SLC24A1: variants seen among roughly 807,000 people sequenced by gnomAD.
SLC24A1 encodes sodium/potassium/calcium exchanger 1.
SLC24A1 carries 52 observed loss-of-function variants against 88.1 expected under a neutral mutation model. The observed-to-expected ratio is 0.59, with a 90% CI of 0.47 to 0.74. The LOEUF (loss-of-function observed/expected upper bound fraction) is 0.74, where lower values mean the gene tolerates loss of function less well. Ranked by LOEUF, SLC24A1 falls within the 30% of genes least tolerant of loss-of-function variation. The pLI is 0.00. For synonymous variants in SLC24A1, 455 were observed against 498.0 expected, an observed-to-expected ratio of 0.91 and a Z score of 1.15; for missense variants, 1,173 against 1,363.3, an observed-to-expected ratio of 0.86 and a Z score of 2.20.
At chr15:65,660,224 C>A, downstream of SLC24A1, 1 of 1,381,556 alleles carries the variant, frequency 7.2e-7, no homozygotes, top group Non-Finnish European at 9.9e-7. Context: ...TAAGCAAGTT[C>A]AGCCCCAAAC....
At chr15:65,638,581 A>G (rs905548582) in intron 3 of SLC24A1, among the ~76,000 whole-genome samples, 1 of 152,218 alleles carries the variant, frequency 6.6e-6, no homozygotes, top group African/African-American at 2.4e-5. Context: ...CAGAACTAAG[A>G]GAAAGATAGC....
intron 6 of SLC24A1, among the ~76,000 whole-genome samples, chr15:65,647,667 AACAG>A (rs1330441413): frequency 6.6e-6 from 1 of 152,052 alleles, no homozygotes; most frequent in Non-Finnish European, 1.5e-5. Context: ...GAGGGTGCAG[AACAG>A]ACAGACGCTC....
chr15:65,642,737 A>G (rs2075170690), intron 4 of SLC24A1, among the ~76,000 whole-genome samples: 1 of 152,144 alleles, frequency 6.6e-6, no homozygotes, highest in Non-Finnish European at 1.5e-5. Context: ...GGCTCTACCC[A>G]TGGAGCTTAT....
At chr15:65,623,708 G>A (rs1463078345) in intron 1 of SLC24A1, among the ~76,000 whole-genome samples, 3 of 152,092 alleles carry the variant, frequency 2.0e-5, no homozygotes, top group Non-Finnish European at 4.4e-5. Flanking sequence ...GTGCACTCAG[G>A]CTCCAGCTCA....
intron 5 of SLC24A1, among the ~76,000 whole-genome samples, chr15:65,644,896 G>A (rs998252911): frequency 6.6e-6 from 1 of 152,212 alleles, no homozygotes; most frequent in Non-Finnish European, 1.5e-5. Flanking sequence ...CAAGGACAGT[G>A]TTGCTAGTTA....
At chr15:65,646,933 C>A (rs1030001447) in intron 6 of SLC24A1, among the ~76,000 whole-genome samples, 2 of 152,198 alleles carry the variant, frequency 1.3e-5, no homozygotes, top group African/African-American at 4.8e-5. Context: ...TCCCTGGAAT[C>A]CCAGGGCAGG....
chr15:65,657,807 G>A (rs1055337547), downstream of SLC24A1, among the ~76,000 whole-genome samples: 5 of 152,196 alleles, frequency 3.3e-5, no homozygotes, highest in African/African-American at 1.2e-4. Flanking sequence ...GGGCTCATGA[G>A]CAGAGCTGCC....
At chr15:65,618,518 T>C (rs899013726), upstream of SLC24A1, among the ~76,000 whole-genome samples, 1 of 152,142 alleles carries the variant, frequency 6.6e-6, no homozygotes, top group Non-Finnish European at 1.5e-5. Context: ...TATAGGGGCT[T>C]TTTCTCCAAT....
At chr15:65,657,803 A>C (rs2075735054), downstream of SLC24A1, among the ~76,000 whole-genome samples, 1 of 152,208 alleles carries the variant, frequency 6.6e-6, no homozygotes, top group Non-Finnish European at 1.5e-5. Context: ...GAGAGGGCTC[A>C]TGAGCAGAGC....
Position 65,654,119 on chromosome 15 carries a change from C to A in SLC24A1, c.*40C>A, listed in dbSNP as rs371028086. The A allele has an allele frequency of 3.9e-4, 627 of 1,590,486 alleles. 1 individual carries two copies. Among genetic ancestry groups the A allele is most frequent in the Non-Finnish European group, 3.4e-4 (399 of 1,167,310 alleles). ...CTCACAATGGGCATGGATCAGAAGA[C>A]CATGCAGAAGTTACTGTATCTCTTG... On this transcript the variant is annotated 3_prime_UTR_variant, in exon 10 of 10. Coordinates refer to ENST00000261892, the MANE Select transcript of SLC24A1 (RefSeq NM_004727.3).
chr15:65,624,821 C>G lies in SLC24A1; in HGVS notation c.741C>G (p.Thr247=), dbSNP rs1163989550. The stretch of plus-strand genomic sequence containing the variant: ...GAATAATGGAGGAAACCACCCCAAC[C>G]ACTCTCAAGGGAATGTTTGATAGCA... ...LKRIMEETTP[T]TLKGMFDSTP... The change falls in exon 2 of 10, where the codon ACC becomes ACG. Residue 247 remains threonine (T), a synonymous_variant. Transcript: ENST00000261892. 1.9e-6 allele frequency: 3 copies of G among 1,614,020 alleles called. No individual in the cohort carries two copies. Among genetic ancestry groups the G allele is most frequent in the Non-Finnish European group, 2.5e-6 (3 of 1,179,884 alleles).
chr15:65,614,941 A>G (rs1012858368), intron 2 of SLC24A1, among the ~76,000 whole-genome samples: 2 of 152,252 alleles, frequency 1.3e-5, no homozygotes, highest in African/African-American at 2.4e-5. Flanking sequence ...GAAAAGTGCT[A>G]TAAAGGCCTA....
At chr15:65,630,008 A>C (rs1455815838) in intron 2 of SLC24A1, among the ~76,000 whole-genome samples, 1 of 152,200 alleles carries the variant, frequency 6.6e-6, no homozygotes, top group Non-Finnish European at 1.5e-5. Flanking sequence ...CCTGTCACCC[A>C]GGCTGGAGTG....
chr15:65,660,099 A>C, downstream of SLC24A1: 2 of 516,948 alleles, frequency 3.9e-6, no homozygotes, highest in Non-Finnish European at 6.8e-6. Flanking sequence ...AATGATTTAA[A>C]GAACATGAAG....
downstream of SLC24A1, among the ~76,000 whole-genome samples, chr15:65,656,504 C>T (rs1309183090): frequency 2.0e-5 from 3 of 152,184 alleles, no homozygotes; most frequent in East Asian, 1.9e-4. Context: ...CATTTACAAA[C>T]GTACTATAAT....
At chr15:65,634,031 G>C (rs897868339) in intron 2 of SLC24A1, among the ~76,000 whole-genome samples, 3 of 152,198 alleles carry the variant, frequency 2.0e-5, no homozygotes, top group African/African-American at 7.2e-5. Flanking sequence ...GGTGTGGGCT[G>C]TGAGGGAGAG....
Position 65,625,543 on chromosome 15 carries a change from T to G in SLC24A1, c.1463T>G (p.Leu488Arg), listed in dbSNP as rs1193462084. Reference protein sequence around the residue: ...VPALGVITDKLQISEDVAGAT... With the variant: ...VPALGVITDKRQISEDVAGAT... The stretch of plus-strand genomic sequence containing the variant: ...GCCCTGGGTGTCATCACAGACAAGC[T>G]GCAGATCTCCGAGGATGTGGCAGGC... The change falls in exon 2 of 10, where the codon CTG becomes CGG. Residue 488 changes from leucine (L) to arginine (R), a missense_variant. Physicochemically the swap from Leu to Arg is moderately radical, Grantham distance 102. Transcript: ENST00000261892. 1.9e-6 allele frequency: 3 copies of G among 1,613,944 alleles called. No homozygotes were observed. Among genetic ancestry groups the G allele is most frequent in the African/African-American group, 1.3e-5 (1 of 74,944 alleles).
intron 2 of SLC24A1, among the ~76,000 whole-genome samples, chr15:65,630,584 G>A (rs901225399): frequency 2.0e-5 from 3 of 152,188 alleles, no homozygotes; most frequent in Non-Finnish European, 2.9e-5. Context: ...TCCCTTCTTC[G>A]ACTCTTTGAA....
At chr15:65,637,264 A>G (rs2074971912) in intron 2 of SLC24A1, among the ~76,000 whole-genome samples, 1 of 151,184 alleles carries the variant, frequency 6.6e-6, no homozygotes, top group South Asian at 2.1e-4. Context: ...TTCCCAAAAC[A>G]CTAGCACTTA....
Sources: allele counts gnomAD v4.1 joint callset (sites outside exome capture counted in the v4.1 genomes callset), GRCh38; gene constraint gnomAD v4.1.1; transcripts MANE v1.5; gene names NCBI Gene and HGNC (gene_info 2026-07-23, HGNC 2026-07-21).